COL21A1: variants seen among roughly 807,000 people sequenced by gnomAD.
COL21A1 encodes the protein collagen type XXI alpha 1 chain.
In COL21A1, 149 loss-of-function variants were observed where a neutral mutation model predicts 137.9. The ratio of observed to expected loss-of-function variants is 1.08; its 90% CI spans 0.95 to 1.24. COL21A1 has a LOEUF of 1.24. COL21A1 is among the 50% of genes most tolerant of loss of function. The probability of loss-of-function intolerance (pLI) is 0.00; values close to 1 mark genes in which losing one functional copy is unlikely to be tolerated. For synonymous variants in COL21A1, 456 were observed against 391.5 expected, an observed-to-expected ratio of 1.16 and a Z score of -1.95; for missense variants, 1,167 against 1,158.4, an observed-to-expected ratio of 1.01 and a Z score of -0.11.
intron 9 of COL21A1, among the ~76,000 whole-genome samples, chr6:56,158,266 C>CTTTTTTTTTTTTTTTTTTTTTTTTTTGT (rs67453245): frequency 1.6e-5 from 1 of 62,402 alleles, no homozygotes; most frequent in Non-Finnish European, 2.8e-5. Context: ...TTTTTTTTTT[C>CTTTTTTTTTTTTTTTTTTTTTTTTTTGT]TTTTTTTTTT....
chr6:56,376,445 AG>A (rs1234330598), intron 1 of COL21A1, among the ~76,000 whole-genome samples: 1 of 139,376 alleles, frequency 7.2e-6, no homozygotes, highest in East Asian at 2.0e-4. Context: ...AGGTAAAGAA[AG>A]TTTTTTTTTT....
chr6:56,288,249 T>TA (rs397953146), intron 1 of COL21A1, among the ~76,000 whole-genome samples: 2 of 148,966 alleles, frequency 1.3e-5, no homozygotes. Context: ...TTTAAAAAAA[T>TA]AAAAGAAAAA....
At chr6:56,111,376 A>G (rs1771417773) in intron 16 of COL21A1, among the ~76,000 whole-genome samples, 1 of 152,198 alleles carries the variant, frequency 6.6e-6, no homozygotes, top group South Asian at 2.1e-4. Flanking sequence ...CAGAAAAATT[A>G]CATTAGTAGA....
Position 56,173,836 on chromosome 6 carries a change from C to A in COL21A1, c.641-2708G>T, listed in dbSNP as rs183199448. Among the ~76,000 whole-genome samples, 331 of 152,006 alleles carry A rather than the reference C, an allele frequency of 2.2e-3. 6 individuals carry two copies. The highest frequency in any genetic ancestry group is 8.8e-4 in the Non-Finnish European group (60 of 67,934). Reference sequence around the variant, plus strand: ...AGAAGACTTGAACAATACTATAGACCAAATGAACCTAGCAGATGCATACAG... The same window carrying A: ...AGAAGACTTGAACAATACTATAGACAAAATGAACCTAGCAGATGCATACAG... On this transcript the variant is annotated intron_variant, in intron 3 of 29. Transcript: ENST00000244728.
intron 1 of COL21A1, among the ~76,000 whole-genome samples, chr6:56,224,938 G>C (rs1433267649): frequency 6.6e-6 from 1 of 152,008 alleles, no homozygotes; most frequent in Non-Finnish European, 1.5e-5. Flanking sequence ...ATAAAGAACA[G>C]CAATGCTGTT....
chr6:56,119,587 C>T (rs1015069635), intron 16 of COL21A1, among the ~76,000 whole-genome samples: 3 of 151,908 alleles, frequency 2.0e-5, no homozygotes, highest in Non-Finnish European at 4.4e-5. Context: ...CACCAAAGAC[C>T]CAGAATGGCC....
At chr6:56,078,302 A>G (rs1767421799) in intron 17 of COL21A1, 1 of 443,744 alleles carries the variant, frequency 2.3e-6, no homozygotes, top group African/African-American at 2.0e-5. Flanking sequence ...CATTTACCCA[A>G]CATGATCATT....
chr6:56,061,086 G>T (rs1375073530), intron 25 of COL21A1, 49 bp from the exon 26 acceptor site: 1 of 1,490,838 alleles, frequency 6.7e-7, no homozygotes, highest in Non-Finnish European at 9.0e-7. Context: ...ATTTCAGGAG[G>T]TATAATTGCA....
At chr6:56,348,960 G>A (rs1433212938) in intron 1 of COL21A1, among the ~76,000 whole-genome samples, 2 of 152,190 alleles carry the variant, frequency 1.3e-5, no homozygotes, top group Admixed American at 6.5e-5. Context: ...CAATGTGAAA[G>A]TTTAGACAGG....
At chr6:56,061,828 T>C in intron 24 of COL21A1, 147 bp from the exon 25 acceptor site, 1 of 523,890 alleles carries the variant, frequency 1.9e-6, no homozygotes, top group Admixed American at 3.4e-5. Context: ...CAGACCCTTT[T>C]TGCCTTTTAG....
chr6:56,130,270 C>T (rs538397625), intron 12 of COL21A1, among the ~76,000 whole-genome samples: 132 of 141,940 alleles, frequency 9.3e-4, no homozygotes, highest in African/African-American at 3.4e-3. Context: ...AAATTATATA[C>T]ATGTATATTA....
At chr6:56,291,973 A>T (rs751441682) in intron 1 of COL21A1, among the ~76,000 whole-genome samples, 5 of 152,142 alleles carry the variant, frequency 3.3e-5, no homozygotes, top group Admixed American at 1.3e-4. Context: ...GTTCGAGACC[A>T]GCCTGGCCAA....
intron 1 of COL21A1, among the ~76,000 whole-genome samples, chr6:56,385,721 C>G (rs561832164): frequency 4.6e-5 from 7 of 152,112 alleles, no homozygotes; most frequent in East Asian, 3.9e-4. Context: ...GCCACTCCCC[C>G]TCCCTTCCTC....
At chr6:56,222,504 A>C (rs1214951313) in intron 1 of COL21A1, among the ~76,000 whole-genome samples, 1 of 152,160 alleles carries the variant, frequency 6.6e-6, no homozygotes, top group East Asian at 1.9e-4. Flanking sequence ...CATTTAAAGA[A>C]TATAAAACAA....
intron 1 of COL21A1, among the ~76,000 whole-genome samples, chr6:56,312,290 A>T (rs1265098999): frequency 6.6e-6 from 1 of 152,222 alleles, no homozygotes; most frequent in Admixed American, 6.5e-5. Context: ...AGAAGGTGTC[A>T]ACTAGAGAAA....
In COL21A1 at chr6:56,166,795, A is replaced by C. The variant is rs749149076; in HGVS notation, c.1278+111T>G. On this transcript the variant is annotated intron_variant, in intron 7 of 29. Transcript: ENST00000244728. ...ACTTCACTTCCACTAACATTAAAAAATAAAATTAAGTCTACATATTAAATT... is the reference window on the plus strand; with the variant it reads ...ACTTCACTTCCACTAACATTAAAAACTAAAATTAAGTCTACATATTAAATT... 7 of 854,964 alleles carry C rather than the reference A, an allele frequency of 8.2e-6. No individual in the cohort carries two copies. In the South Asian group the frequency reaches 1.0e-4, roughly 12 times the overall value. The allele number at this position is 854,964 out of a possible 1,614,324, so 53.0% of individuals were successfully genotyped here.
intron 1 of COL21A1, among the ~76,000 whole-genome samples, chr6:56,266,049 T>C (rs1763384286): frequency 6.6e-6 from 1 of 152,254 alleles, no homozygotes; most frequent in Non-Finnish European, 1.5e-5. Context: ...GCAATTTTAC[T>C]CTGGGTAACC....
intron 1 of COL21A1, among the ~76,000 whole-genome samples, chr6:56,273,673 G>A (rs995025048): frequency 6.6e-6 from 1 of 152,122 alleles, no homozygotes; most frequent in African/African-American, 2.4e-5. Flanking sequence ...GATTGAATCA[G>A]GGAGAAAGTT....
At chr6:56,084,126 C>G (rs1768016884) in intron 17 of COL21A1, among the ~76,000 whole-genome samples, 1 of 151,664 alleles carries the variant, frequency 6.6e-6, no homozygotes, top group South Asian at 2.1e-4. Context: ...TACTTAAATT[C>G]AGGAATAAAC....
Sources: allele counts gnomAD v4.1 joint callset (sites outside exome capture counted in the v4.1 genomes callset), GRCh38; gene constraint gnomAD v4.1.1; transcripts MANE v1.5; gene names NCBI Gene and HGNC (gene_info 2026-07-23, HGNC 2026-07-21).